Variants in OR9Q1 observed in about 807,000 individuals in gnomAD.
The protein encoded by OR9Q1 is olfactory receptor family 9 subfamily Q member 1, also known as olfactory receptor 9Q1.
For synonymous variants in OR9Q1, 153 were observed against 148.6 expected (o/e 1.03, Z -0.22); for missense variants, 374 against 378.8 (o/e 0.99, Z 0.11).
chr11:58,042,188 G>T (rs891540956), intron 1 of OR9Q1, among the ~76,000 whole-genome samples: 3 of 144,362 alleles, frequency 2.1e-5, no homozygotes, highest in African/African-American at 7.4e-5. Flanking sequence ...GTATTTTGTG[G>T]CCTGAGCCCT....
chr11:58,056,828 T>G (rs1853333038), intron 2 of OR9Q1, among the ~76,000 whole-genome samples: 1 of 151,972 alleles, frequency 6.6e-6, no homozygotes. Flanking sequence ...AGCTATGGGG[T>G]CCAGAGCCCC....
At chr11:58,122,974 G>C (rs898510141) in intron 2 of OR9Q1, among the ~76,000 whole-genome samples, 1 of 143,340 alleles carries the variant, frequency 7.0e-6, no homozygotes, top group African/African-American at 2.6e-5. Flanking sequence ...TTTTTTTTTC[G>C]GATTTTGTTA....
intron 2 of OR9Q1, among the ~76,000 whole-genome samples, chr11:58,113,190 C>A (rs1565079214): frequency 6.6e-6 from 1 of 152,138 alleles, no homozygotes; most frequent in Non-Finnish European, 1.5e-5. Context: ...AAGCAGGGCT[C>A]TACTGTTAAA....
chr11:58,156,066 T>A (rs1854404867), intron 2 of OR9Q1, among the ~76,000 whole-genome samples: 1 of 151,878 alleles, frequency 6.6e-6, no homozygotes, highest in African/African-American at 2.4e-5. Flanking sequence ...GCACCCACCA[T>A]TGTGCCTGGT....
At chr11:58,128,567 G>A (rs10792138) in intron 2 of OR9Q1, among the ~76,000 whole-genome samples, 58,460 of 151,898 alleles carry the variant, frequency 0.38, 12,292 homozygotes, top group East Asian at 0.64. Flanking sequence ...CAGATCTATC[G>A]CGTTATAAAG....
chr11:58,080,436 G>C (rs1443654508), intron 2 of OR9Q1, among the ~76,000 whole-genome samples: 4 of 152,104 alleles, frequency 2.6e-5, no homozygotes, highest in Non-Finnish European at 5.9e-5. Flanking sequence ...ATTGTGCATA[G>C]TGCTGTAATG....
intron 2 of OR9Q1, among the ~76,000 whole-genome samples, chr11:58,125,006 G>T (rs777891736): frequency 1.3e-5 from 2 of 152,114 alleles, no homozygotes; most frequent in Non-Finnish European, 2.9e-5. Context: ...CAATGAAAAA[G>T]CCTGGAGTCT....
At chr11:58,043,754 A>G (rs1442444947) in intron 1 of OR9Q1, among the ~76,000 whole-genome samples, 2 of 152,200 alleles carry the variant, frequency 1.3e-5, no homozygotes, top group African/African-American at 4.8e-5. Context: ...TAATTGTTCC[A>G]ACGTGCTTTC....
intron 2 of OR9Q1, among the ~76,000 whole-genome samples, chr11:58,062,726 T>C (rs996841091): frequency 1.3e-5 from 2 of 152,180 alleles, no homozygotes; most frequent in Non-Finnish European, 2.9e-5. Context: ...GCAATCAAGA[T>C]CTTAAAAAAG....
chr11:58,178,627 A>C (rs1854626937), intron 2 of OR9Q1, among the ~76,000 whole-genome samples: 1 of 152,124 alleles, frequency 6.6e-6, no homozygotes, highest in Admixed American at 6.6e-5. Context: ...ATGGTAGGCA[A>C]GAGACCATGT....
At chr11:58,079,284 AT>A (rs1441930046) in intron 2 of OR9Q1, among the ~76,000 whole-genome samples, 8 of 151,834 alleles carry the variant, frequency 5.3e-5, no homozygotes, top group Non-Finnish European at 1.0e-4. Flanking sequence ...ATTTCTCTCA[AT>A]TTTAGGGCTT....
At chr11:58,083,449 C>A (rs1265497343) in intron 2 of OR9Q1, among the ~76,000 whole-genome samples, 1 of 151,950 alleles carries the variant, frequency 6.6e-6, no homozygotes, top group East Asian at 1.9e-4. Context: ...TTTTGCTGAG[C>A]AGAAGCTCTT....
At chr11:58,104,858 T>C (rs1015119856) in intron 2 of OR9Q1, among the ~76,000 whole-genome samples, 4 of 152,200 alleles carry the variant, frequency 2.6e-5, no homozygotes, top group Non-Finnish European at 4.4e-5. Context: ...CCTGAATGGC[T>C]ACATGAAGCA....
rs563622454 is a variant in OR9Q1, at chr11:58,065,118, G to A, written c.-15+9171G>A. On this transcript the variant is annotated intron_variant, in intron 2 of 2. Coordinates refer to ENST00000335397, the MANE Select transcript of OR9Q1 (RefSeq NM_001005212.4). ...AACTCAGGCAGACACCTGACAGAGG[G>A]GCTATGGAGTGGACGGGACACGTAA... Among the ~76,000 whole-genome samples, 8 of 152,258 alleles carry A rather than the reference G, an allele frequency of 5.3e-5. No individual in the cohort carries two copies. In the South Asian group the frequency reaches 1.7e-3, roughly 32 times the overall value.
At chr11:58,147,559 A>C (rs1182480929) in intron 2 of OR9Q1, among the ~76,000 whole-genome samples, 1 of 152,154 alleles carries the variant, frequency 6.6e-6, no homozygotes, top group Non-Finnish European at 1.5e-5. Context: ...CCCAGTTTCT[A>C]CTTTGTGAGT....
intron 2 of OR9Q1, chr11:58,060,274 C>T (rs1217304605): frequency 6.6e-6 from 1 of 152,196 alleles, no homozygotes; most frequent in East Asian, 1.9e-4. Flanking sequence ...GAATTGAGCT[C>T]TCCTGTCATG....
intron 1 of OR9Q1, among the ~76,000 whole-genome samples, chr11:58,053,222 G>T (rs1443848113): frequency 6.8e-6 from 1 of 147,504 alleles, no homozygotes; most frequent in South Asian, 2.2e-4. Flanking sequence ...TGATAGACTG[G>T]ATTAAGAAAA....
At chr11:58,117,033 T>C (rs1853962200) in intron 2 of OR9Q1, 1 of 152,246 alleles carries the variant, frequency 6.6e-6, no homozygotes, top group Non-Finnish European at 1.5e-5. Flanking sequence ...AGTTCATTGC[T>C]TTCATTGACT....
chr11:58,079,453 G>A (rs1853568647), intron 2 of OR9Q1, among the ~76,000 whole-genome samples: 1 of 151,874 alleles, frequency 6.6e-6, no homozygotes, highest in African/African-American at 2.4e-5. Flanking sequence ...TTTTATATTG[G>A]TAGAGCTCTA....
Sources: gnomAD v4.1 joint callset for allele counts (sites outside exome capture counted in the v4.1 genomes callset) on GRCh38, gnomAD v4.1.1 for gene constraint, MANE v1.5 for transcripts, NCBI Gene and HGNC (gene_info 2026-07-23, HGNC 2026-07-21) for gene names.